Variants in PCDHB12 observed in about 807,000 individuals in gnomAD.
PCDHB12 encodes protocadherin beta 12, also known as protocadherin beta-12.
For missense variants in PCDHB12, 1,192 were observed against 998.2 expected (o/e 1.19, Z -2.62); for synonymous variants, 560 against 445.2 (o/e 1.26, Z -3.24).
Position 141,210,018 on chromosome 5 carries a change from C to A in PCDHB12, c.1111C>A (p.Arg371=). The part of the protein sequence containing the change: ...PETVVMVFRI[R]DRDSGDNGKM... ...GACTGTGGTTATGGTTTTCAGGATACGAGACAGAGACTCTGGGGACAACGG... is the reference window on the plus strand; with the variant it reads ...GACTGTGGTTATGGTTTTCAGGATAAGAGACAGAGACTCTGGGGACAACGG... The change falls in exon 1 of 1, where the codon CGA becomes AGA. Residue 371 remains arginine (R), a synonymous_variant. Transcript: ENST00000239450. 1 of 1,614,172 alleles carries A rather than the reference C, an allele frequency of 6.2e-7. No individual in the cohort carries two copies. Among genetic ancestry groups the A allele is most frequent in the Non-Finnish European group, 8.5e-7 (1 of 1,180,028 alleles).
Position 141,209,041 on chromosome 5 carries a change from T to A in PCDHB12, c.134T>A (p.Val45Glu). 1 of 1,611,392 alleles carries A rather than the reference T, an allele frequency of 6.2e-7. No individual in the cohort carries two copies. Among genetic ancestry groups the A allele is most frequent in the Non-Finnish European group, 8.5e-7 (1 of 1,178,598 alleles). The change falls in exon 1 of 1, where the codon GTA becomes GAA. Residue 45 changes from valine to glutamate, a missense_variant. Physicochemically the swap from Val to Glu is moderately radical, Grantham distance 121. Transcript: ENST00000239450. ...GAGGAATTGCAGAGCGGGAGCTTTG[T>A]AGGAAATTTGGCAAAGACCCTGGGA... Reference protein sequence around the residue: ...VMEELQSGSFVGNLAKTLGLE... With the variant: ...VMEELQSGSFEGNLAKTLGLE...
Position 141,210,179 on chromosome 5 carries a change from C to T in PCDHB12, c.1272C>T (p.Thr424=), listed in dbSNP as rs148640772. Residue 424 remains threonine (T), a synonymous_variant, in exon 1 of 1, where the codon ACC becomes ACT. Transcript: ENST00000239450. ...RAEYNITITV[T]DLGTPRLKTE... is the part of the protein sequence containing the mutation. ...AGTACAACATCACCATCACCGTCAC[C>T]GACTTGGGGACCCCCAGGCTAAAAA... 492 of 1,614,168 alleles carry T rather than the reference C, an allele frequency of 3.0e-4. 1 individual carries two copies. The African/African-American group carries it at 4.6e-3, about 15-fold the overall frequency.
rs1469820895 is a variant in PCDHB12 at position 141,212,354 on chromosome 5, G to A, written c.*1059G>A. On this transcript the variant is annotated 3_prime_UTR_variant, in exon 1 of 1. Transcript: ENST00000239450. ...TACCTATACTGCACTGCTGAATCAG[G>A]AAAATTTAAGAAAAAGAATAGATTT... The A allele has an allele frequency of 6.5e-6, 1 of 154,142 alleles. No individual in the cohort carries two copies. The allele number at this position is 154,142 out of a possible 1,614,324, so 9.5% of individuals were successfully genotyped here.
At position 141,212,130 on chromosome 5, in the gene PCDHB12, A is replaced by G. The variant is rs652435; in HGVS notation, c.*835A>G. 122,288 of 166,960 alleles carry G rather than the reference A, an allele frequency of 0.73. 46,214 individuals are homozygous for G. Among genetic ancestry groups the G allele is most frequent in the African/African-American group, 0.94 (38,986 of 41,572 alleles). 10.3% of individuals were successfully genotyped at this position (166,960 alleles called of 1,614,324 possible). A position where few individuals can be genotyped will look rare whatever the true frequency, so the allele number is the denominator to read the frequency against. On this transcript the variant is annotated 3_prime_UTR_variant, in exon 1 of 1. Coordinates refer to ENST00000239450, the MANE Select transcript of PCDHB12 (RefSeq NM_018932.4). ...AAAAACAAAATTGAAAGAGCAACCT[A>G]TGCCTTCTCATTGTCTCCTGAACAT...
chr5:141,209,269 T>C lies in PCDHB12; in HGVS notation c.362T>C (p.Leu121Pro). 6.2e-7 allele frequency: 1 copy of C among 1,614,106 alleles called. No homozygotes were observed. The change falls in exon 1 of 1, where the codon CTC (leucine) becomes CCC (proline). Residue 121 changes from leucine (L) to proline (P), a missense_variant. Leu to Pro is a moderately conservative substitution (Grantham distance 98, BLOSUM62 -3). Coordinates refer to ENST00000239450, the MANE Select transcript of PCDHB12 (RefSeq NM_018932.4). ...CCCACGCAGTTTTTACAAATTGAGC[T>C]CCAGGTCAGGGATATAAATGATCAC... Reference protein sequence around the residue: ...KNPTQFLQIELQVRDINDHSP... With the variant: ...KNPTQFLQIEPQVRDINDHSP...
rs782300851 is a variant in PCDHB12 at position 141,210,249 on chromosome 5, G to T, written c.1342G>T (p.Ala448Ser). The T allele has an allele frequency of 1.2e-6, 2 of 1,614,024 alleles. No homozygotes were observed. The highest frequency in any genetic ancestry group is 1.7e-6 in the Non-Finnish European group (2 of 1,180,012). Residue 448 changes from alanine to serine, a missense_variant, in exon 1 of 1, where the codon GCC (alanine) becomes TCC (serine). Coordinates refer to ENST00000239450, the MANE Select transcript of PCDHB12 (RefSeq NM_018932.4). ...TVLVSDVNDNAPAFTQTSYAL... is the reference protein window; with the variant it reads ...TVLVSDVNDNSPAFTQTSYAL... ...GCTGGTCTCCGACGTCAATGACAAC[G>T]CCCCCGCCTTCACCCAAACTTCCTA... is the stretch of plus-strand genomic sequence containing the variant.
rs528495738 is a variant in PCDHB12 at position 141,210,753 on chromosome 5, G to C, written c.1846G>C (p.Gly616Arg). 3.1e-4 allele frequency: 493 copies of C among 1,603,526 alleles called. 2 individuals are homozygous for C. In the Middle Eastern group the frequency reaches 6.5e-3, roughly 21 times the overall value. ...CAAGGCCACGGAGCCCGGGCTATTC[G>C]GCGTGTGGGCGCACAATGGCGAGGT... ...LLKATEPGLF[G>R]VWAHNGEVRT... Residue 616 changes from glycine to arginine, a missense_variant, in exon 1 of 1, where the codon GGC becomes CGC. By Grantham distance (125) the Gly-to-Arg change is moderately radical. Coordinates refer to ENST00000239450, the MANE Select transcript of PCDHB12 (RefSeq NM_018932.4).
chr5:141,208,721 T>A lies in PCDHB12; in HGVS notation c.-187T>A, dbSNP rs913715122. 5.9e-5 allele frequency: 28 copies of A among 472,406 alleles called. No homozygotes were observed. In the East Asian group the frequency reaches 9.3e-4, roughly 16 times the overall value. 29.3% of individuals were successfully genotyped at this position (472,406 alleles called of 1,614,324 possible). ...GGATGTTGTAGACCCTGTTATCCAG[T>A]ACACGCGGAGAACTGGGAAGACAGA... On this transcript the variant is annotated 5_prime_UTR_variant, in exon 1 of 1. Transcript: ENST00000239450.
rs1440299716 is a variant in PCDHB12, at chr5:141,209,746, C to T, written c.839C>T (p.Thr280Ile). 2 of 1,614,240 alleles carry T rather than the reference C, an allele frequency of 1.2e-6. No individual in the cohort carries two copies. The highest frequency in any genetic ancestry group is 2.2e-5 in the East Asian group (1 of 44,888). Residue 280 changes from threonine to isoleucine, a missense_variant, in exon 1 of 1, where the codon ACC becomes ATC. By Grantham distance (89) the Thr-to-Ile change is moderately conservative. Coordinates refer to ENST00000239450, the MANE Select transcript of PCDHB12 (RefSeq NM_018932.4). ...DSGTNSELSYTFSHASEDIRK... is the reference protein window; with the variant it reads ...DSGTNSELSYIFSHASEDIRK... ...GGAACAAACAGTGAACTATCCTATA[C>T]CTTTTCCCATGCCTCAGAAGATATT...
At position 141,209,661 on chromosome 5, in the gene PCDHB12, C is replaced by G. The variant is rs1554286705; in HGVS notation, c.754C>G (p.Leu252Val). The change falls in exon 1 of 1, where the codon CTG (leucine) becomes GTG (valine). Residue 252 changes from leucine to valine, a missense_variant. Leu to Val is a conservative substitution (Grantham distance 32). Transcript: ENST00000239450. ...GCAGGCTTTTTATGAGGTGAAGATT[C>G]TGGAGAATAGCATCCTTGGCTCCCT... is the stretch of plus-strand genomic sequence containing the variant. ...FEQAFYEVKI[L>V]ENSILGSLVV... The G allele has an allele frequency of 6.2e-7, 1 of 1,614,144 alleles. No homozygotes were observed. Among genetic ancestry groups the G allele is most frequent in the Non-Finnish European group, 8.5e-7 (1 of 1,180,026 alleles).
Position 141,209,502 on chromosome 5 carries a change from G to A in PCDHB12, c.595G>A (p.Ala199Thr). Residue 199 changes from alanine (A) to threonine (T), a missense_variant, in exon 1 of 1, where the codon GCG (alanine) becomes ACG (threonine). By Grantham distance (58) the Ala-to-Thr change is moderately conservative (BLOSUM62 0). Coordinates refer to ENST00000239450, the MANE Select transcript of PCDHB12 (RefSeq NM_018932.4). ...ATACCCTGAGTTAGTTCTGGACAAGGCGCTGGATTATGAAGAGCGCCCGGA... is the reference window on the plus strand; with the variant it reads ...ATACCCTGAGTTAGTTCTGGACAAGACGCTGGATTATGAAGAGCGCCCGGA... ...RKYPELVLDK[A>T]LDYEERPELS... 1 of 1,614,178 alleles carries A rather than the reference G, an allele frequency of 6.2e-7. No homozygotes were observed.
At position 141,209,113 on chromosome 5, in the gene PCDHB12, A is replaced by G. The variant is rs1754366768; in HGVS notation, c.206A>G (p.Asn69Ser). ...LSSRGARVVS[N>S]DNKECLQLDT... ...TCGCGGGGGGCTCGGGTGGTTTCTA[A>G]TGATAACAAAGAGTGTTTGCAGCTG... Residue 69 changes from asparagine (N) to serine (S), a missense_variant, in exon 1 of 1, where the codon AAT becomes AGT. By Grantham distance (46) the Asn-to-Ser change is conservative. Coordinates refer to ENST00000239450, the MANE Select transcript of PCDHB12 (RefSeq NM_018932.4). 1 of 1,614,072 alleles carries G rather than the reference A, an allele frequency of 6.2e-7. No individual in the cohort carries two copies. Among genetic ancestry groups the G allele is most frequent in the Non-Finnish European group, 8.5e-7 (1 of 1,179,954 alleles).
rs782118556 is a variant in PCDHB12, at chr5:141,211,003, C to G, written c.2096C>G (p.Ser699Trp). The change falls in exon 1 of 1, where the codon TCG becomes TGG. Residue 699 changes from serine (S) to tryptophan (W), a missense_variant. Transcript: ENST00000239450. ...GTGGTGGCGTTGGCCTCAGTGTCGTCGCTCTTCCTCTTCTCGGTGCTCCTG... is the reference window on the plus strand; with the variant it reads ...GTGGTGGCGTTGGCCTCAGTGTCGTGGCTCTTCCTCTTCTCGGTGCTCCTG... The part of the protein sequence containing the change: ...YLVVALASVS[S>W]LFLFSVLLFV... The G allele has an allele frequency of 2.1e-5, 34 of 1,611,684 alleles. No individual in the cohort carries two copies. The East Asian group carries it at 7.6e-4, about 36-fold the overall frequency.
Position 141,210,804 on chromosome 5 carries a change from C to G in PCDHB12, c.1897C>G (p.Arg633Gly), listed in dbSNP as rs1554287054. The part of the protein sequence containing the change: ...EVRTARLLSE[R>G]DAAKHRLVVL... ...GCGCACCGCCAGGCTGCTGAGCGAG[C>G]GCGACGCGGCCAAGCACAGGCTGGT... The change falls in exon 1 of 1, where the codon CGC (arginine) becomes GGC (glycine). Residue 633 changes from arginine (R) to glycine (G), a missense_variant. Coordinates refer to ENST00000239450, the MANE Select transcript of PCDHB12 (RefSeq NM_018932.4). 3 of 1,599,576 alleles carry G rather than the reference C, an allele frequency of 1.9e-6. No individual in the cohort carries two copies. Among genetic ancestry groups the G allele is most frequent in the Admixed American group, 3.3e-5 (2 of 59,818 alleles).
chr5:141,209,427 C>T lies in PCDHB12; in HGVS notation c.520C>T (p.Pro174Ser). The T allele has an allele frequency of 6.2e-7, 1 of 1,614,152 alleles. No individual in the cohort carries two copies. Among genetic ancestry groups the T allele is most frequent in the Non-Finnish European group, 8.5e-7 (1 of 1,180,022 alleles). Reference sequence around the variant, plus strand: ...TGCTGTAAAAAGCTACACAATAAATCCGAACTCTCATTTCCACGTTAAAAT... The same window carrying T: ...TGCTGTAAAAAGCTACACAATAAATTCGAACTCTCATTTCCACGTTAAAAT... Reference protein sequence around the residue: ...INAVKSYTINPNSHFHVKIRV... With the variant: ...INAVKSYTINSNSHFHVKIRV... The change falls in exon 1 of 1, where the codon CCG (proline) becomes TCG (serine). Residue 174 changes from proline to serine, a missense_variant. Pro to Ser is a moderately conservative substitution (Grantham distance 74). Coordinates refer to ENST00000239450, the MANE Select transcript of PCDHB12 (RefSeq NM_018932.4).
Position 141,209,219 on chromosome 5 carries a change from G to A in PCDHB12, c.312G>A (p.Leu104=). 1.2e-6 allele frequency: 2 copies of A among 1,614,194 alleles called. No individual in the cohort carries two copies. Among genetic ancestry groups the A allele is most frequent in the Non-Finnish European group, 1.7e-6 (2 of 1,180,042 alleles). The change falls in exon 1 of 1, where the codon CTG becomes CTA. Residue 104 remains leucine, a synonymous_variant. Transcript: ENST00000239450. ...GTGGCTCCAATGAGCCTTGTGTGCT[G>A]TATTTCCAAGTGTTAATGAAAAACC... ...ELCGSNEPCV[L]YFQVLMKNPT...
In PCDHB12 at chr5:141,209,074, T is replaced by C; in HGVS notation, c.167T>C (p.Val56Ala). ...TTGGCAAAGACCCTGGGACTCGAGG[T>C]GAGTGAGCTGTCTTCGCGGGGGGCT... is the stretch of plus-strand genomic sequence containing the variant. Reference protein sequence around the residue: ...GNLAKTLGLEVSELSSRGARV... With the variant: ...GNLAKTLGLEASELSSRGARV... The change falls in exon 1 of 1, where the codon GTG (valine) becomes GCG (alanine). Residue 56 changes from valine (V) to alanine (A), a missense_variant. Coordinates refer to ENST00000239450, the MANE Select transcript of PCDHB12 (RefSeq NM_018932.4). 2 of 1,612,462 alleles carry C rather than the reference T, an allele frequency of 1.2e-6. No individual in the cohort carries two copies.
Position 141,209,811 on chromosome 5 carries a change from A to T in PCDHB12, c.904A>T (p.Thr302Ser). ...FEINQKSGDI[T>S]LTAPLDFEAI... ...AATTAATCAAAAGTCTGGTGACATT[A>T]CTTTAACAGCACCTTTGGATTTTGA... Residue 302 changes from threonine to serine, a missense_variant, in exon 1 of 1, where the codon ACT (threonine) becomes TCT (serine). Transcript: ENST00000239450. 1 of 1,614,218 alleles carries T rather than the reference A, an allele frequency of 6.2e-7. No homozygotes were observed. Among genetic ancestry groups the T allele is most frequent in the African/African-American group, 1.3e-5 (1 of 75,062 alleles).
chr5:141,211,183 C>G lies in PCDHB12; in HGVS notation c.2276C>G (p.Ser759Cys). The change falls in exon 1 of 1, where the codon TCC (serine) becomes TGC (cysteine). Residue 759 changes from serine (S) to cysteine (C), a missense_variant. By Grantham distance (112) the Ser-to-Cys change is moderately radical. Coordinates refer to ENST00000239450, the MANE Select transcript of PCDHB12 (RefSeq NM_018932.4). ...YHYEVCVTGGSRSNKFKFLKP... is the reference protein window; with the variant it reads ...YHYEVCVTGGCRSNKFKFLKP... ...TATGAGGTGTGTGTGACTGGAGGCT[C>G]CAGGTCAAATAAGTTCAAATTTCTG... 1.9e-6 allele frequency: 3 copies of G among 1,614,146 alleles called. No homozygotes were observed. Among genetic ancestry groups the G allele is most frequent in the Non-Finnish European group, 2.5e-6 (3 of 1,179,994 alleles).
Sources: allele counts gnomAD v4.1 joint callset, GRCh38; gene constraint gnomAD v4.1.1; transcripts MANE v1.5; gene names NCBI Gene and HGNC (gene_info 2026-07-23, HGNC 2026-07-21).